The following LIN52 variants were observed in gnomAD, a reference collection of about 807,000 sequenced individuals.
LIN52 encodes the protein lin-52 DREAM MuvB core complex component, also known as protein lin-52 homolog.
Under a neutral mutation model 18.5 loss-of-function variants are expected in LIN52, and 4 were observed. The ratio of observed to expected loss-of-function variants is 0.22; its 90% CI spans 0.11 to 0.49. LIN52 has a LOEUF of 0.49. Among genes scored for constraint, LIN52 ranks in the 20% least tolerant of loss-of-function variants. The probability of loss-of-function intolerance (pLI) is 0.97; values close to 1 mark genes in which losing one functional copy is unlikely to be tolerated. For missense variants in LIN52, 102 were observed against 139.5 expected, an observed-to-expected ratio of 0.73 and a Z score of 1.35; for synonymous variants, 34 against 45.5, an observed-to-expected ratio of 0.75 and a Z score of 1.02.
At chr14:74,122,147 G>A (rs1595163852) in intron 5 of LIN52, among the ~76,000 whole-genome samples, 1 of 152,266 alleles carries the variant, frequency 6.6e-6, no homozygotes, top group Non-Finnish European at 1.5e-5. Flanking sequence ...GGAGAATATT[G>A]CTAAACGGAA....
At chr14:74,125,332 T>C (rs1340215476) in intron 5 of LIN52, among the ~76,000 whole-genome samples, 1 of 152,178 alleles carries the variant, frequency 6.6e-6, no homozygotes, top group Non-Finnish European at 1.5e-5. Flanking sequence ...TGGTATCTCA[T>C]TTGTGGTTTT....
chr14:74,190,325 G>T (rs545788419), intron 5 of LIN52, among the ~76,000 whole-genome samples: 3 of 146,998 alleles, frequency 2.0e-5, no homozygotes, highest in Non-Finnish European at 4.5e-5. Context: ...GATCCAGACT[G>T]TTCTTTTCTC....
intron 5 of LIN52, among the ~76,000 whole-genome samples, chr14:74,119,344 T>C (rs2060984562): frequency 6.6e-6 from 1 of 151,964 alleles, no homozygotes; most frequent in African/African-American, 2.4e-5. Context: ...TTTTGTATTT[T>C]TAGTAGAGAC....
intron 5 of LIN52, among the ~76,000 whole-genome samples, chr14:74,109,983 A>C (rs1023072740): frequency 6.6e-6 from 1 of 152,180 alleles, no homozygotes; most frequent in Non-Finnish European, 1.5e-5. Context: ...ATCCCAGTAC[A>C]GTGTTGAATA....
chr14:74,181,590 A>T (rs962006111), intron 5 of LIN52, among the ~76,000 whole-genome samples: 2 of 152,100 alleles, frequency 1.3e-5, no homozygotes, highest in Non-Finnish European at 2.9e-5. Context: ...GTATTCTTTC[A>T]TTTAATACAC....
chr14:74,113,961 C>A, intron 5 of LIN52: 1 of 168,510 alleles, frequency 5.9e-6, no homozygotes, highest in Non-Finnish European at 1.2e-5. Context: ...TGCTATTTTT[C>A]TTTCTTTTCT....
intron 5 of LIN52, among the ~76,000 whole-genome samples, chr14:74,161,492 A>G (rs1283844470): frequency 1.3e-5 from 2 of 152,194 alleles, no homozygotes; most frequent in Non-Finnish European, 2.9e-5. Flanking sequence ...CGGTCTGAAC[A>G]GGGAAAATTT....
chr14:74,122,830 G>A (rs1000112907), intron 5 of LIN52, among the ~76,000 whole-genome samples: 8 of 151,998 alleles, frequency 5.3e-5, no homozygotes, highest in South Asian at 2.1e-4. Flanking sequence ...CATGTGCTAC[G>A]GCACTCCAGC....
intron 5 of LIN52, among the ~76,000 whole-genome samples, chr14:74,115,190 A>T (rs534440628): frequency 6.6e-6 from 1 of 152,342 alleles, no homozygotes; most frequent in South Asian, 2.1e-4. Context: ...GAAATTAGTG[A>T]TTGAGAGGGA....
intron 5 of LIN52, among the ~76,000 whole-genome samples, chr14:74,163,339 C>G (rs1040558913): frequency 6.6e-6 from 1 of 152,194 alleles, no homozygotes; most frequent in African/African-American, 2.4e-5. Flanking sequence ...CTCTCTGCCT[C>G]CCAAAGTGTT....
At chr14:74,181,107 CA>C (rs149099646) in intron 5 of LIN52, among the ~76,000 whole-genome samples, 5,394 of 96,022 alleles carry the variant, frequency 0.056, 271 homozygotes, top group African/African-American at 0.19. Context: ...GACTCTGTCT[CA>C]AAAAAAAAAA....
At chr14:74,144,886 A>T (rs959698946) in intron 5 of LIN52, among the ~76,000 whole-genome samples, 4 of 152,238 alleles carry the variant, frequency 2.6e-5, no homozygotes, top group Non-Finnish European at 5.9e-5. Flanking sequence ...TTCAAACTCA[A>T]CATGTCAGAT....
chr14:74,085,208 T>G, intron 1 of LIN52: 1 of 402,244 alleles, frequency 2.5e-6, no homozygotes, highest in Non-Finnish European at 4.3e-6. Context: ...ACCAGGCGTG[T>G]GGAGGAGGGC....
chr14:74,104,813 C>T (rs2024110), intron 5 of LIN52, among the ~76,000 whole-genome samples: 149,266 of 152,098 alleles, frequency 0.98, 73,260 homozygotes, highest in East Asian at 1. Flanking sequence ...AATGACTAGG[C>T]TTAACAAATG....
intron 5 of LIN52, among the ~76,000 whole-genome samples, chr14:74,159,097 T>G (rs1219388263): frequency 6.6e-6 from 1 of 152,200 alleles, no homozygotes; most frequent in Non-Finnish European, 1.5e-5. Context: ...TCTTAACTAT[T>G]ATAAACTACA....
chr14:74,152,570 A>G (rs113525874), intron 5 of LIN52, among the ~76,000 whole-genome samples: 9 of 152,048 alleles, frequency 5.9e-5, no homozygotes, highest in African/African-American at 1.9e-4. Flanking sequence ...CTGTGAATCA[A>G]TCCAAGCCAT....
intron 5 of LIN52, among the ~76,000 whole-genome samples, chr14:74,148,888 A>G (rs1595175271): frequency 1.3e-5 from 2 of 152,354 alleles, no homozygotes; most frequent in South Asian, 2.1e-4. Flanking sequence ...GGCAACAAAG[A>G]GATAAGAAAG....
At chr14:74,097,995 T>G (rs577821741) in intron 4 of LIN52, 135 bp downstream of exon 4, 2 of 636,860 alleles carry the variant, frequency 3.1e-6, no homozygotes, top group East Asian at 2.8e-5. Flanking sequence ...ATTTGTAGTT[T>G]TTCATGTCTG....
intron 5 of LIN52, among the ~76,000 whole-genome samples, chr14:74,111,717 A>G (rs958254974): frequency 6.6e-6 from 1 of 151,634 alleles, no homozygotes; most frequent in African/African-American, 2.4e-5. Context: ...CCTACCTCTC[A>G]TAGAACTAAA....
Sources: allele counts gnomAD v4.1 joint callset (sites outside exome capture counted in the v4.1 genomes callset), GRCh38; gene constraint gnomAD v4.1.1; transcripts MANE v1.5; gene names NCBI Gene and HGNC (gene_info 2026-07-23, HGNC 2026-07-21).